The following WDR64 variants were observed in gnomAD, a reference collection of about 807,000 sequenced individuals.
The protein encoded by WDR64 is WD repeat-containing protein 64.
WDR64 carries 112 observed loss-of-function variants against 139.3 expected under a neutral mutation model. That is an observed-to-expected ratio of 0.80 (90% CI 0.69 to 0.94). The LOEUF (loss-of-function observed/expected upper bound fraction) is 0.94. Among genes scored for constraint, WDR64 ranks in the 40% least tolerant of loss-of-function variants. WDR64 has a pLI of 0.00. For missense variants in WDR64, 1,206 were observed against 1,293.1 expected (o/e 0.93, Z 1.03); for synonymous variants, 444 against 437.7 (o/e 1.01, Z -0.18).
At chr1:241,712,577 T>G (rs1283550419) in intron 9 of WDR64, among the ~76,000 whole-genome samples, 1 of 152,184 alleles carries the variant, frequency 6.6e-6, no homozygotes, top group Non-Finnish European at 1.5e-5. Context: ...GTACAACTCC[T>G]GGCTCTCTCA....
chr1:241,762,852 T>C (rs1456573463), intron 15 of WDR64, among the ~76,000 whole-genome samples: 4 of 152,056 alleles, frequency 2.6e-5, no homozygotes, highest in Non-Finnish European at 4.4e-5. Context: ...AACGGAAACA[T>C]ACTGTATTAG....
intron 14 of WDR64, among the ~76,000 whole-genome samples, chr1:241,755,041 G>A (rs1670130850): frequency 6.6e-6 from 1 of 152,210 alleles, no homozygotes; most frequent in African/African-American, 2.4e-5. Flanking sequence ...AGGTGTGCAT[G>A]TGTCTTTATG....
Position 241,769,396 on chromosome 1 carries a change from A to T in WDR64, c.2082-8A>T. Reference sequence around the variant, plus strand: ...TTTTTTCTCATATAAATGTATACTTACTTCTAGGTACCGACCTGAAGATTG... The same window carrying T: ...TTTTTTCTCATATAAATGTATACTTTCTTCTAGGTACCGACCTGAAGATTG... On this transcript the variant is annotated splice_polypyrimidine_tract_variant and splice_region_variant and intron_variant, in intron 16 of 27. Transcript: ENST00000437684. 6.5e-7 allele frequency: 1 copy of T among 1,549,724 alleles called. No individual in the cohort carries two copies. The highest frequency in any genetic ancestry group is 8.7e-7 in the Non-Finnish European group (1 of 1,145,652).
intron 2 of WDR64, among the ~76,000 whole-genome samples, chr1:241,668,551 C>T (rs146384948): frequency 1.4e-3 from 214 of 152,146 alleles, no homozygotes; most frequent in African/African-American, 4.7e-3. Flanking sequence ...ATCAATTTAC[C>T]GAAGTGCCCA....
At chr1:241,735,619 C>G (rs1364830695) in intron 10 of WDR64, among the ~76,000 whole-genome samples, 2 of 144,582 alleles carry the variant, frequency 1.4e-5, no homozygotes, top group African/African-American at 5.2e-5. Flanking sequence ...ACTGCAACTT[C>G]CACCTCCTGG....
rs1252233690 is a variant in WDR64, at chr1:241,671,129, A to G, written c.332A>G (p.Glu111Gly). Reference protein sequence around the residue: ...EDPIASQLDEENLVFFVSRKR... With the variant: ...EDPIASQLDEGNLVFFVSRKR... ...CCTATTGCTTCCCAGTTGGATGAAG[A>G]AAATTTGGTTTTCTTTGTGTCTAGA... is the stretch of plus-strand genomic sequence containing the variant. The change falls in exon 3 of 28, where the codon GAA (glutamate) becomes GGA (glycine). Residue 111 changes from glutamate (E) to glycine (G), a missense_variant. Glu to Gly is a moderately conservative substitution (Grantham distance 98). Coordinates refer to ENST00000437684, the MANE Select transcript of WDR64 (RefSeq NM_001367482.1). The G allele has an allele frequency of 3.9e-6, 6 of 1,551,014 alleles. No homozygotes were observed.
At position 241,771,945 on chromosome 1, in the gene WDR64, C is replaced by CATACAT. The variant is rs1658462821; in HGVS notation, c.2290+251_2290+252insCATATA. Among the ~76,000 whole-genome samples the CATACAT allele has an allele frequency of 6.4e-5, 4 of 62,366 alleles. No individual in the cohort carries two copies. The South Asian group carries it at 1.7e-3, about 26-fold the overall frequency. The allele number at this position is 62,366 out of a possible 152,430, so 40.9% of individuals were successfully genotyped here. ...ATACATACATATACATACATACATA[C>CATACAT]ATATATATATATATATATATATATA... On this transcript the variant is annotated intron_variant, in intron 19 of 27. Coordinates refer to ENST00000437684, the MANE Select transcript of WDR64 (RefSeq NM_001367482.1).
intron 8 of WDR64, among the ~76,000 whole-genome samples, chr1:241,710,206 C>T (rs924215822): frequency 3.9e-5 from 6 of 152,230 alleles, no homozygotes; most frequent in African/African-American, 1.4e-4. Context: ...TAGGCTTCTT[C>T]TGGGTGGCCC....
chr1:241,668,519 TCCC>T (rs752947861), intron 2 of WDR64, among the ~76,000 whole-genome samples: 15 of 152,184 alleles, frequency 9.9e-5, no homozygotes, highest in Non-Finnish European at 1.8e-4. Context: ...CATATAACTT[TCCC>T]AGCAAAGTTT....
chr1:241,795,794 C>T (rs1659345642), intron 26 of WDR64, among the ~76,000 whole-genome samples: 2 of 152,138 alleles, frequency 1.3e-5, no homozygotes, highest in South Asian at 4.1e-4. Flanking sequence ...TGTTAGACAA[C>T]TAATTAATTA....
rs149058780 is a variant in WDR64 at position 241,763,897 on chromosome 1, G to A, written c.1948-2321G>A. Among the ~76,000 whole-genome samples the A allele has an allele frequency of 3.9e-3, 587 of 152,260 alleles. 6 individuals are homozygous for A. Among genetic ancestry groups the A allele is most frequent in the African/African-American group, 0.013 (559 of 41,526 alleles). ...CTGTAGAAGTACAGCAGAGATCCTG[G>A]AGGGCTGGGGAGACGGGGAGGTTTT... is the stretch of plus-strand genomic sequence containing the variant. On this transcript the variant is annotated intron_variant, in intron 15 of 27. Transcript: ENST00000437684.
chr1:241,757,204 T>G, intron 14 of WDR64, 79 bp from the exon 15 acceptor site: 1 of 1,287,624 alleles, frequency 7.8e-7, no homozygotes, highest in South Asian at 1.7e-5. Context: ...CATTGTAGGT[T>G]CTATTTTCTC....
At chr1:241,766,436 C>T (rs1295194756) in intron 16 of WDR64, 85 bp downstream of exon 16, 16 of 1,462,410 alleles carry the variant, frequency 1.1e-5, no homozygotes, top group Admixed American at 2.2e-5. Flanking sequence ...AAGGGCTGGG[C>T]GCGGTGGCTC....
Position 241,728,247 on chromosome 1 carries a change from C to T in WDR64, c.1194+4811C>T, listed in dbSNP as rs916033121. ...ACTTGGGAGGCTGAGGCAGGAGAAT[C>T]GCTTGAACCTGGGAGGTGGAGGTTG... On this transcript the variant is annotated intron_variant, in intron 10 of 27. Transcript: ENST00000437684. 4.6e-5 allele frequency among the ~76,000 whole-genome samples: 7 copies of T among 152,062 alleles called. No individual in the cohort carries two copies. In the East Asian group the frequency reaches 5.8e-4, roughly 13 times the overall value.
chr1:241,712,822 C>T (rs1668226758), intron 9 of WDR64, among the ~76,000 whole-genome samples: 2 of 151,742 alleles, frequency 1.3e-5, no homozygotes. Flanking sequence ...CTCAGCTACT[C>T]AAGAGGCTGA....
chr1:241,669,423 A>T (rs192161525), intron 2 of WDR64, among the ~76,000 whole-genome samples: 132 of 152,332 alleles, frequency 8.7e-4, no homozygotes, highest in African/African-American at 2.9e-3. Context: ...TCCAACATAG[A>T]TCTATTAATT....
intron 7 of WDR64, 140 bp from the exon 8 acceptor site, chr1:241,687,321 A>AAG: frequency 5.0e-6 from 4 of 799,388 alleles, no homozygotes; most frequent in Admixed American, 3.2e-5. Context: ...AAAAAAAAAA[A>AAG]GGTGTTATAA....
intron 21 of WDR64, among the ~76,000 whole-genome samples, chr1:241,778,059 T>C (rs1054695935): frequency 3.3e-5 from 5 of 152,160 alleles, no homozygotes; most frequent in African/African-American, 9.7e-5. Flanking sequence ...CTGAACTATA[T>C]CCTTAATGAT....
chr1:241,717,659 A>C (rs1456158711), intron 9 of WDR64, among the ~76,000 whole-genome samples: 1 of 152,148 alleles, frequency 6.6e-6, no homozygotes, highest in Admixed American at 6.5e-5. Context: ...CAACAAAAAA[A>C]CAGGGAATTA....
Sources: gnomAD v4.1 joint callset for allele counts (sites outside exome capture counted in the v4.1 genomes callset) on GRCh38, gnomAD v4.1.1 for gene constraint, MANE v1.5 for transcripts, NCBI Gene and HGNC (gene_info 2026-07-23, HGNC 2026-07-21) for gene names.